LTBP1: variants seen among roughly 807,000 people sequenced by gnomAD.
The protein encoded by LTBP1 is latent transforming growth factor beta binding protein 1.
Under a neutral mutation model 207.6 loss-of-function variants are expected in LTBP1, and 129 were observed. That is an observed-to-expected ratio of 0.62 (90% confidence interval 0.54 to 0.72). The LOEUF is 0.72. Among genes scored for constraint, LTBP1 ranks in the 30% least tolerant of loss-of-function variants. The probability of loss-of-function intolerance (pLI) is 0.00; values close to 1 mark genes in which losing one functional copy is unlikely to be tolerated. For synonymous variants in LTBP1, 963 were observed against 833.7 expected, an observed-to-expected ratio of 1.16 and a Z score of -2.67; for missense variants, 2,281 against 2,217.2, an observed-to-expected ratio of 1.03 and a Z score of -0.58.
At chr2:33,359,383 T>C (rs1460979503) in intron 26 of LTBP1, among the ~76,000 whole-genome samples, 2 of 152,224 alleles carry the variant, frequency 1.3e-5, no homozygotes, top group African/African-American at 4.8e-5. Flanking sequence ...AAAATTTCCA[T>C]TGTCAACTAG....
At chr2:32,977,640 C>T (rs1425178432) in intron 2 of LTBP1, among the ~76,000 whole-genome samples, 3 of 152,138 alleles carry the variant, frequency 2.0e-5, no homozygotes, top group Admixed American at 2.0e-4. Context: ...TGTGCAGGGG[C>T]CTAGAAGGAT....
intron 5 of LTBP1, among the ~76,000 whole-genome samples, chr2:33,180,667 G>A (rs151182624): frequency 8.7e-4 from 133 of 152,114 alleles, no homozygotes; most frequent in African/African-American, 3.1e-3. Context: ...TGTTGACCAG[G>A]CTGGTCTTGA....
chr2:33,297,614 T>C (rs570023188), intron 20 of LTBP1, among the ~76,000 whole-genome samples: 1 of 151,972 alleles, frequency 6.6e-6, no homozygotes, highest in Non-Finnish European at 1.5e-5. Context: ...GTATTTTTAG[T>C]AGAGATGGGG....
At chr2:33,360,309 A>G (rs985767172) in intron 26 of LTBP1, among the ~76,000 whole-genome samples, 1 of 152,226 alleles carries the variant, frequency 6.6e-6, no homozygotes, top group Non-Finnish European at 1.5e-5. Flanking sequence ...GGAGATATGG[A>G]AACTCTACTC....
At chr2:33,328,091 C>T (rs942159211) in intron 24 of LTBP1, among the ~76,000 whole-genome samples, 16 of 147,480 alleles carry the variant, frequency 1.1e-4, no homozygotes, top group South Asian at 4.3e-4. Context: ...GCCGAGATCA[C>T]GCCACTGCAC....
At chr2:33,131,876 A>C (rs185308150) in intron 4 of LTBP1, among the ~76,000 whole-genome samples, 1 of 152,344 alleles carries the variant, frequency 6.6e-6, no homozygotes, top group Non-Finnish European at 1.5e-5. Context: ...AGAAGTTTTT[A>C]ATAACAATAG....
At chr2:33,173,621 TG>T (rs1332225578) in intron 5 of LTBP1, among the ~76,000 whole-genome samples, 4 of 114,396 alleles carry the variant, frequency 3.5e-5, no homozygotes, top group Non-Finnish European at 6.1e-5. Context: ...TTCCAATCAA[TG>T]GAAAAAGAGG....
chr2:32,971,452 T>C (rs219034), intron 2 of LTBP1, among the ~76,000 whole-genome samples: 64,597 of 151,964 alleles, frequency 0.43, 14,485 homozygotes, highest in Non-Finnish European at 0.5. Context: ...CTTATTATTT[T>C]GAGGAAAATT....
At chr2:33,298,795 G>A (rs1191489380) in intron 20 of LTBP1, among the ~76,000 whole-genome samples, 3 of 152,092 alleles carry the variant, frequency 2.0e-5, no homozygotes, top group Non-Finnish European at 2.9e-5. Context: ...TAAAGTAATT[G>A]CTATGAAATA....
At chr2:32,982,844 A>G (rs1682977409) in intron 2 of LTBP1, among the ~76,000 whole-genome samples, 1 of 152,230 alleles carries the variant, frequency 6.6e-6, no homozygotes, top group Non-Finnish European at 1.5e-5. Context: ...AAATGCCTGG[A>G]TGTCCAGGAA....
intron 7 of LTBP1, among the ~76,000 whole-genome samples, chr2:33,214,431 C>T (rs921155757): frequency 6.6e-6 from 1 of 152,224 alleles, no homozygotes. Flanking sequence ...GTCTCTCCCT[C>T]TTCTTCTCCC....
At chr2:33,301,291 T>C (rs2093984892) in intron 21 of LTBP1, among the ~76,000 whole-genome samples, 1 of 152,192 alleles carries the variant, frequency 6.6e-6, no homozygotes, top group Admixed American at 6.5e-5. Flanking sequence ...GAATCCACAC[T>C]GTATAAGGCC....
chr2:32,949,302 T>C (rs1676751691), intron 2 of LTBP1, among the ~76,000 whole-genome samples: 2 of 152,220 alleles, frequency 1.3e-5, no homozygotes, highest in African/African-American at 4.8e-5. Flanking sequence ...TACCAACAAA[T>C]GAAAGACATT....
intron 6 of LTBP1, 149 bp from the exon 7 acceptor site, chr2:33,188,427 CA>C (rs577171233): frequency 0.083 from 28,704 of 344,542 alleles, 3 homozygotes; most frequent in East Asian, 0.12. Flanking sequence ...AACTCCATCT[CA>C]AAAAAAAAAA....
At chr2:33,173,105 A>G (rs956910849) in intron 5 of LTBP1, among the ~76,000 whole-genome samples, 3 of 152,228 alleles carry the variant, frequency 2.0e-5, no homozygotes, top group African/African-American at 7.2e-5. Flanking sequence ...CTAGAAAAGC[A>G]AGAGCAAACA....
At chr2:33,269,019 G>T (rs2093253350) in intron 15 of LTBP1, among the ~76,000 whole-genome samples, 1 of 152,144 alleles carries the variant, frequency 6.6e-6, no homozygotes, top group Admixed American at 6.5e-5. Flanking sequence ...TGTCATTACT[G>T]CCTCAATAAA....
chr2:33,336,206 T>C (rs2094552019), intron 24 of LTBP1, among the ~76,000 whole-genome samples: 1 of 152,224 alleles, frequency 6.6e-6, no homozygotes, highest in Non-Finnish European at 1.5e-5. Context: ...ACAGATGGTG[T>C]GTTCTGACCT....
intron 7 of LTBP1, among the ~76,000 whole-genome samples, chr2:33,201,350 C>A (rs1474777378): frequency 6.6e-6 from 1 of 151,960 alleles, no homozygotes; most frequent in Non-Finnish European, 1.5e-5. Context: ...AATTGGAAAT[C>A]ATCATTCTCA....
chr2:33,116,122 C>T (rs1045329685), intron 4 of LTBP1, among the ~76,000 whole-genome samples: 7 of 152,182 alleles, frequency 4.6e-5, no homozygotes, highest in African/African-American at 1.4e-4. Flanking sequence ...TGACATGGTT[C>T]CCTAGACGAC....
Sources: allele counts gnomAD v4.1 joint callset (sites outside exome capture counted in the v4.1 genomes callset), GRCh38; gene constraint gnomAD v4.1.1; transcripts MANE v1.5; gene names NCBI Gene and HGNC (gene_info 2026-07-23, HGNC 2026-07-21).